Variants in TRIML2 observed in about 807,000 individuals in gnomAD.
TRIML2 encodes probable E3 ubiquitin-protein ligase TRIML2.
A neutral mutation model predicts 31.2 loss-of-function variants in TRIML2; 28 were observed. That is an observed-to-expected ratio of 0.90 (90% CI 0.66 to 1.23). The LOEUF is 1.23. Ranked by LOEUF, TRIML2 falls within the 50% of genes most tolerant of loss-of-function variation. TRIML2 has a pLI of 0.00. For missense variants in TRIML2, 536 were observed against 528.3 expected (o/e 1.01, Z -0.14); for synonymous variants, 187 against 197.5 (o/e 0.95, Z 0.45).
At chr4:188,094,969 A>G (rs866472216) in intron 7 of TRIML2, among the ~76,000 whole-genome samples, 13 of 152,356 alleles carry the variant, frequency 8.5e-5, no homozygotes, top group Middle Eastern at 3.4e-3. Flanking sequence ...AATAGACGTG[A>G]TCGCATATAC....
At position 188,092,187 on chromosome 4, in the gene TRIML2, T is replaced by C. The variant is rs574786169; in HGVS notation, c.746-246A>G. On this transcript the variant is annotated intron_variant, in intron 7 of 7. Coordinates refer to ENST00000682553, the MANE Select transcript of TRIML2 (RefSeq NM_173553.4). ...CTGAGCGGGAAGAATAAAACAAAGA[T>C]GAATGAGCTAAGGAAGGTTTAGAAA... is the stretch of plus-strand genomic sequence containing the variant. Among the ~76,000 whole-genome samples the C allele has an allele frequency of 9.9e-4, 150 of 152,032 alleles. 1 individual carries two copies. The highest frequency in any genetic ancestry group is 3.4e-3 in the African/African-American group (141 of 41,480).
At chr4:188,107,434 G>A (rs1349048059) in intron 1 of TRIML2, among the ~76,000 whole-genome samples, 1 of 152,194 alleles carries the variant, frequency 6.6e-6, no homozygotes, top group Non-Finnish European at 1.5e-5. Flanking sequence ...TGAGTGCAAA[G>A]GAGTACTGAT....
At chr4:188,109,067 C>T (rs114530142) in intron 1 of TRIML2, among the ~76,000 whole-genome samples, 176 bp downstream of exon 1, 1,674 of 152,092 alleles carry the variant, frequency 0.011, 11 homozygotes, top group Non-Finnish European at 0.019. Context: ...GGAAAATTGA[C>T]GAATTAAGTC....
chr4:188,097,157 T>C lies in TRIML2; in HGVS notation c.649A>G (p.Lys217Glu). ...KNAKYSLERS[K>E]SLLLEHLEPA... is the part of the protein sequence containing the mutation. ...TCCAGATGCTCAAGCAGCAGTGACT[T>C]GCTCCTGAAGAGAAAGGACAGCCTC... is the stretch of plus-strand genomic sequence containing the variant. Residue 217 changes from lysine to glutamate, a missense_variant, in exon 7 of 8, where the codon AAG becomes GAG. Lys to Glu is a moderately conservative substitution (Grantham distance 56). Coordinates refer to ENST00000682553, the MANE Select transcript of TRIML2 (RefSeq NM_173553.4). 6.2e-7 allele frequency: 1 copy of C among 1,613,998 alleles called. No individual in the cohort carries two copies. Among genetic ancestry groups the C allele is most frequent in the East Asian group, 2.2e-5 (1 of 44,854 alleles).
chr4:188,106,706 C>G (rs1407842579), intron 1 of TRIML2: 1 of 167,472 alleles, frequency 6.0e-6, no homozygotes, highest in East Asian at 1.8e-4. Context: ...CCCTGCAGGG[C>G]GAGGCCACCC....
rs369597641 is a variant in TRIML2, at chr4:188,091,931, T to C, written c.756A>G (p.Thr252=). 24 of 1,609,138 alleles carry C rather than the reference T, an allele frequency of 1.5e-5. 1 individual carries two copies. Among genetic ancestry groups the C allele is most frequent in the Non-Finnish European group, 8.5e-7 (1 of 1,179,564 alleles). Residue 252 remains threonine, a synonymous_variant, in exon 8 of 8, where the codon ACA becomes ACG. Coordinates refer to ENST00000682553, the MANE Select transcript of TRIML2 (RefSeq NM_173553.4). ...AGGGATGAGCTGTTTCAGGATCCAA[T>C]GTTAAATGTCCTATCAGGAGAGAAA... ...SMFRVLQRHL[T]LDPETAHPCL...
intron 5 of TRIML2, 82 bp from the exon 6 acceptor site, chr4:188,097,428 C>A: frequency 8.0e-7 from 1 of 1,250,114 alleles, no homozygotes; most frequent in Non-Finnish European, 1.2e-6. Context: ...TATCCTCTTA[C>A]AATGAACTCA....
intron 3 of TRIML2, among the ~76,000 whole-genome samples, chr4:188,101,581 C>T (rs574279672): frequency 1.8e-4 from 27 of 151,986 alleles, no homozygotes; most frequent in African/African-American, 5.3e-4. Flanking sequence ...ATAATCCCAG[C>T]TACTCGGAAG....
At chr4:188,096,764 C>G (rs1379557819) in intron 7 of TRIML2, among the ~76,000 whole-genome samples, 1 of 151,668 alleles carries the variant, frequency 6.6e-6, no homozygotes, top group East Asian at 2.0e-4. Flanking sequence ...TCAAGCAATT[C>G]TCCCACCTCA....
At chr4:188,092,233 C>T (rs575198339) in intron 7 of TRIML2, among the ~76,000 whole-genome samples, 10 of 151,896 alleles carry the variant, frequency 6.6e-5, no homozygotes, top group African/African-American at 1.2e-4. Context: ...CAACGTGGCG[C>T]GGTGGCTCAC....
intron 3 of TRIML2, among the ~76,000 whole-genome samples, chr4:188,102,754 C>T (rs531846962): frequency 6.7e-6 from 1 of 149,890 alleles, no homozygotes; most frequent in South Asian, 2.1e-4. Flanking sequence ...GAGACTAAGG[C>T]AGGAGAATTG....
chr4:188,094,058 T>C (rs1425418394), intron 7 of TRIML2, among the ~76,000 whole-genome samples: 2 of 148,352 alleles, frequency 1.3e-5, no homozygotes, highest in African/African-American at 5.0e-5. Context: ...GCCATTGCAC[T>C]CCAGCCTGGG....
rs1388465587 is a variant in TRIML2 at position 188,101,099 on chromosome 4, T to G, written c.437A>C (p.Lys146Thr). 6.2e-7 allele frequency: 1 copy of G among 1,613,746 alleles called. No homozygotes were observed. The highest frequency in any genetic ancestry group is 1.7e-5 in the Admixed American group (1 of 59,986). ...CATCTCCTCTAGCTCGGTGGCAAGC[T>G]TGATCGCTTGATTCAGAAGGGTTTC... The part of the protein sequence containing the change: ...LRETLLNQAI[K>T]LATELEEMFQ... Residue 146 changes from lysine to threonine, a missense_variant, in exon 4 of 8, where the codon AAG becomes ACG. Physicochemically the swap from Lys to Thr is moderately conservative, Grantham distance 78. Coordinates refer to ENST00000682553, the MANE Select transcript of TRIML2 (RefSeq NM_173553.4).
intron 1 of TRIML2, chr4:188,105,844 G>A (rs1734004610): frequency 6.5e-6 from 1 of 153,650 alleles, no homozygotes; most frequent in Non-Finnish European, 1.4e-5. Flanking sequence ...ATCTGAAAAA[G>A]TTATTAAAAT....
chr4:188,101,332 T>C, intron 3 of TRIML2, 82 bp from the exon 4 acceptor site: 2 of 682,106 alleles, frequency 2.9e-6, no homozygotes, highest in Non-Finnish European at 4.7e-6. Flanking sequence ...GATAGATATC[T>C]ATATCTATAT....
intron 5 of TRIML2, 62 bp downstream of exon 5, chr4:188,098,973 T>C (rs1486839769): frequency 6.3e-7 from 1 of 1,585,462 alleles, no homozygotes; most frequent in Non-Finnish European, 8.6e-7. Flanking sequence ...TAATGAGTAC[T>C]GTCCACTTCT....
chr4:188,099,460 A>G (rs936617951), intron 4 of TRIML2, among the ~76,000 whole-genome samples: 1 of 151,634 alleles, frequency 6.6e-6, no homozygotes, highest in Non-Finnish European at 1.5e-5. Context: ...GCTACTCAGG[A>G]GGCTGAGGCA....
intron 1 of TRIML2, among the ~76,000 whole-genome samples, chr4:188,106,338 A>C (rs1340248028): frequency 6.6e-6 from 1 of 152,228 alleles, no homozygotes; most frequent in Non-Finnish European, 1.5e-5. Flanking sequence ...GGCGTGAGCC[A>C]CCGCGCCCGG....
intron 4 of TRIML2, among the ~76,000 whole-genome samples, chr4:188,099,713 T>A (rs1733689004): frequency 6.6e-6 from 1 of 152,208 alleles, no homozygotes; most frequent in African/African-American, 2.4e-5. Flanking sequence ...TGCCCCCTGT[T>A]ATGTATGTTT....
Sources: gnomAD v4.1 joint callset for allele counts (sites outside exome capture counted in the v4.1 genomes callset) on GRCh38, gnomAD v4.1.1 for gene constraint, MANE v1.5 for transcripts, NCBI Gene and HGNC (gene_info 2026-07-23, HGNC 2026-07-21) for gene names.